Variants in NLRP3 observed in about 807,000 individuals in gnomAD.
NLRP3 encodes NLR family pyrin domain containing 3.
Under a neutral mutation model 91.3 loss-of-function variants are expected in NLRP3, and 48 were observed. The ratio of observed to expected loss-of-function variants is 0.53; its 90% confidence interval spans 0.42 to 0.67. NLRP3 has a LOEUF of 0.67. NLRP3 is among the 30% of genes least tolerant of loss of function. The pLI is 0.00. For synonymous variants in NLRP3, 561 were observed against 507.9 expected, an observed-to-expected ratio of 1.10 and a Z score of -1.41; for missense variants, 982 against 1,276.9, an observed-to-expected ratio of 0.77 and a Z score of 3.52.
intron 7 of NLRP3, among the ~76,000 whole-genome samples, chr1:247,443,436 C>T (rs558823283): frequency 2.8e-4 from 42 of 152,130 alleles, no homozygotes; most frequent in African/African-American, 8.9e-4. Flanking sequence ...CTAAGGGCCC[C>T]GCCGTGTTCC....
At chr1:247,430,132 T>C (rs1004376878) in intron 5 of NLRP3, among the ~76,000 whole-genome samples, 1 of 152,124 alleles carries the variant, frequency 6.6e-6, no homozygotes, top group Non-Finnish European at 1.5e-5. Flanking sequence ...CGCCTCGGCC[T>C]CCCAAAATGC....
intron 7 of NLRP3, among the ~76,000 whole-genome samples, chr1:247,441,126 TTTCTCTTTCTTTC>T (rs1664190764): frequency 5.1e-5 from 4 of 78,786 alleles, no homozygotes; most frequent in East Asian, 6.7e-4. Flanking sequence ...TCTTTTTCTT[TTTCTCTTTCTTTC>T]TTTCTTTCTC....
chr1:247,419,147 T>A, intron 2 of NLRP3, 70 bp downstream of exon 2: 1 of 761,772 alleles, frequency 1.3e-6, no homozygotes, highest in Non-Finnish European at 1.7e-6. Context: ...TCCATCTTTA[T>A]ATATATATAT....
chr1:247,430,239 T>C (rs1021515933), intron 5 of NLRP3, among the ~76,000 whole-genome samples: 1 of 152,176 alleles, frequency 6.6e-6, no homozygotes, highest in Non-Finnish European at 1.5e-5. Flanking sequence ...CAAAAATTCA[T>C]TTTCTTGCAG....
rs1208721081 is a variant in NLRP3, at chr1:247,448,545, C to G, written c.*41C>G. ...TGCCAGACGCCAGTGTTCTCCGGTC[C>G]CTCCAGCTGGGGGCCCTCAGGTGGA... On this transcript the variant is annotated 3_prime_UTR_variant, in exon 10 of 10. Transcript: ENST00000336119. 7.9e-7 allele frequency: 1 copy of G among 1,263,780 alleles called. No individual in the cohort carries two copies. Among genetic ancestry groups the G allele is most frequent in the Non-Finnish European group, 1.2e-6 (1 of 860,240 alleles). 78.3% of individuals were successfully genotyped at this position (1,263,780 alleles called of 1,614,324 possible).
chr1:247,427,440 C>T (rs1489967522), intron 4 of NLRP3, among the ~76,000 whole-genome samples: 1 of 152,256 alleles, frequency 6.6e-6, no homozygotes, highest in African/African-American at 2.4e-5. Context: ...GAAGATCACA[C>T]ATCTGTGAGG....
At chr1:247,423,179 A>G (rs777493887) in intron 2 of NLRP3, 51 bp from the exon 3 acceptor site, 3 of 1,612,618 alleles carry the variant, frequency 1.9e-6, no homozygotes, top group East Asian at 2.2e-5. Context: ...TTTCAATTGC[A>G]TCCTCTGTGA....
At chr1:247,422,027 T>A (rs966713244) in intron 2 of NLRP3, among the ~76,000 whole-genome samples, 1 of 152,176 alleles carries the variant, frequency 6.6e-6, no homozygotes, top group Non-Finnish European at 1.5e-5. Context: ...ATTTTGGTTT[T>A]GGCTTAGATT....
upstream of NLRP3, chr1:247,416,132 G>A (rs200352097): frequency 6.6e-6 from 1 of 152,374 alleles, no homozygotes; most frequent in Non-Finnish European, 1.5e-5. Flanking sequence ...CCCCTTCTGG[G>A]GCTGCGACTG....
intron 9 of NLRP3, among the ~76,000 whole-genome samples, chr1:247,446,558 T>G (rs568060324): frequency 6.6e-6 from 1 of 152,324 alleles, no homozygotes; most frequent in South Asian, 2.1e-4. Flanking sequence ...TTGCTTTTCT[T>G]CTGGCCTAGA....
In NLRP3 at chr1:247,424,811, G is replaced by C. The variant is rs200314422; in HGVS notation, c.1362G>C (p.Gly454=). 30 of 1,608,588 alleles carry C rather than the reference G, an allele frequency of 1.9e-5. No homozygotes were observed. Among genetic ancestry groups the C allele is most frequent in the Admixed American group, 1.7e-5 (1 of 60,002 alleles). ...FLSSLLQPRG[G]SQEHGLCAHL... The stretch of plus-strand genomic sequence containing the variant: ...CCAGTTTGCTGCAGCCCCGGGGAGG[G>C]AGCCAGGAGCACGGCCTCTGCGCCC... Residue 454 remains glycine, a synonymous_variant, in exon 4 of 10, where the codon GGG becomes GGC. Coordinates refer to ENST00000336119, the MANE Select transcript of NLRP3 (RefSeq NM_001243133.2). The surrounding 1 kb of genome is among the most constrained non-coding windows in gnomAD (Gnocchi z 8.1).
chr1:247,429,839 G>A, intron 5 of NLRP3, 84 bp downstream of exon 5: 1 of 1,534,426 alleles, frequency 6.5e-7, no homozygotes, highest in South Asian at 1.1e-5. Context: ...AGATCTTCAG[G>A]ACCAGGTTGC....
intron 3 of NLRP3, among the ~76,000 whole-genome samples, 182 bp from the exon 4 acceptor site, chr1:247,423,665 C>G (rs1662633537): frequency 6.6e-6 from 1 of 151,992 alleles, no homozygotes; most frequent in African/African-American, 2.4e-5. Flanking sequence ...TTCTGCTCAG[C>G]TGTGTATCTT....
chr1:247,417,852 TC>T (rs934736250), intron 1 of NLRP3, among the ~76,000 whole-genome samples, 200 bp from the exon 2 acceptor site: 59 of 152,270 alleles, frequency 3.9e-4, no homozygotes, highest in African/African-American at 1.4e-3. Context: ...TCAAAGACTG[TC>T]CCCTCCTCTG....
At chr1:247,439,581 A>G (rs1242647098) in intron 7 of NLRP3, among the ~76,000 whole-genome samples, 2 of 152,182 alleles carry the variant, frequency 1.3e-5, no homozygotes, top group African/African-American at 2.4e-5. Flanking sequence ...CCTGATCTTA[A>G]CTAATTACAT....
At chr1:247,419,161 TATA>T (rs542379247) in intron 2 of NLRP3, 84 bp downstream of exon 2, 133,873 of 561,876 alleles carry the variant, frequency 0.24, 7,184 homozygotes, top group East Asian at 0.34. Flanking sequence ...TATATATATA[TATA>T]TTTTTTTTTG....
chr1:247,437,545 A>G (rs1000970524), intron 7 of NLRP3, among the ~76,000 whole-genome samples: 1 of 152,144 alleles, frequency 6.6e-6, no homozygotes, highest in African/African-American at 2.4e-5. Flanking sequence ...GCCTTAGAAT[A>G]TTACTCTTCC....
Position 247,426,752 on chromosome 1 carries a change from G to A in NLRP3, c.2150+1153G>A, listed in dbSNP as rs537297694. ...GGGAGGGGGTCATGGGCTCTGACAA[G>A]GAAACTTGCAGAGTATCCAAAGCAC... is the stretch of plus-strand genomic sequence containing the variant. On this transcript the variant is annotated intron_variant, in intron 4 of 9. Transcript: ENST00000336119. 2.6e-5 allele frequency among the ~76,000 whole-genome samples: 4 copies of A among 152,282 alleles called. No individual in the cohort carries two copies. In the South Asian group the frequency reaches 8.3e-4, roughly 32 times the overall value.
At chr1:247,419,823 G>C (rs36008445) in intron 2 of NLRP3, among the ~76,000 whole-genome samples, 52,656 of 152,058 alleles carry the variant, frequency 0.35, 10,493 homozygotes, top group East Asian at 0.47. Flanking sequence ...GTTATCTGTT[G>C]ATGAACACCT....
Sources: allele counts gnomAD v4.1 joint callset (sites outside exome capture counted in the v4.1 genomes callset), GRCh38; gene constraint gnomAD v4.1.1; non-coding constraint Gnocchi (gnomAD v3.1); transcripts MANE v1.5; gene names NCBI Gene and HGNC (gene_info 2026-07-23, HGNC 2026-07-21).